The following SGSH variants were observed in gnomAD, a reference collection of about 807,000 sequenced individuals.
The protein encoded by SGSH is heparan sulfate sulfatase.
A neutral mutation model predicts 51.0 loss-of-function variants in SGSH; 48 were observed. The observed-to-expected ratio is 0.94, with a 90% CI of 0.75 to 1.20. The LOEUF (loss-of-function observed/expected upper bound fraction) is 1.20, where lower values mean the gene tolerates loss of function less well. Ranked by LOEUF, SGSH falls within the 50% of genes most tolerant of loss-of-function variation. The pLI, the probability that SGSH is intolerant of heterozygous loss-of-function variation, is 0.00. For synonymous variants in SGSH, 321 were observed against 313.4 expected (o/e 1.02, Z -0.26); for missense variants, 662 against 717.8 (o/e 0.92, Z 0.89).
chr17:80,205,731 G>C, downstream of SGSH: 1 of 1,426,884 alleles, frequency 7.0e-7, no homozygotes, highest in Non-Finnish European at 9.3e-7. Context: ...ATGAGATAAA[G>C]GTACAGGGAC....
chr17:80,205,823 T>C, downstream of SGSH: 3 of 590,942 alleles, frequency 5.1e-6, no homozygotes, highest in Non-Finnish European at 8.5e-6. Flanking sequence ...CTCAGCCAGT[T>C]AGGATCCACG....
At chr17:80,206,978 T>C (rs2041354820), downstream of SGSH, 1 of 1,611,016 alleles carries the variant, frequency 6.2e-7, no homozygotes, top group Non-Finnish European at 8.5e-7. Context: ...AGAACACCCA[T>C]GCCCTCCTGG....
downstream of SGSH, chr17:80,201,872 T>C (rs763220303): frequency 5.6e-6 from 9 of 1,609,626 alleles, no homozygotes; most frequent in African/African-American, 9.4e-5. The surrounding 1 kb of genome is among the most constrained non-coding windows in gnomAD (Gnocchi z 5.0). Context: ...ACACGGACGG[T>C]ACACATACCA....
At chr17:80,218,634 G>A (rs912767512) in intron 1 of SGSH, among the ~76,000 whole-genome samples, 3 of 152,230 alleles carry the variant, frequency 2.0e-5, no homozygotes, top group African/African-American at 4.8e-5. Flanking sequence ...GAGGGAGAGC[G>A]GGATGGGCTG....
rs2041746975 is a variant in SGSH at position 80,213,238 on chromosome 17, AG to A, written c.745+565del. On this transcript the variant is annotated intron_variant, in intron 6 of 7. Transcript: ENST00000326317. The surrounding 1 kb of genome is among the most constrained non-coding windows in gnomAD (Gnocchi z 4.6). The stretch of plus-strand genomic sequence containing the variant: ...AAGTGGAGACACAAAGAGGAGACAC[AG>A]GAAAAAAGGCCATGTGAAGGCTTCA... The A allele has an allele frequency of 1.3e-5, 2 of 152,328 alleles. No individual in the cohort carries two copies. Among genetic ancestry groups the A allele is most frequent in the African/African-American group, 4.8e-5 (2 of 41,426 alleles). 9.4% of individuals were successfully genotyped at this position (152,328 alleles called of 1,614,324 possible).
Position 80,213,683 on chromosome 17 carries a change from G to T in SGSH, c.745+121C>A. The stretch of plus-strand genomic sequence containing the variant: ...CTCAATGTGGGCTCTGCCAGCTGCA[G>T]CACAGGGCCTGCCACACTGGGACCC... On this transcript the variant is annotated intron_variant, in intron 6 of 7. Transcript: ENST00000326317. The surrounding 1 kb of genome is among the most constrained non-coding windows in gnomAD (Gnocchi z 4.6). The T allele has an allele frequency of 1.1e-6, 1 of 905,898 alleles. No individual in the cohort carries two copies. Among genetic ancestry groups the T allele is most frequent in the Non-Finnish European group, 1.7e-6 (1 of 579,466 alleles). 56.1% of individuals were successfully genotyped at this position (905,898 alleles called of 1,614,324 possible). A position where few individuals can be genotyped will look rare whatever the true frequency, so the allele number is the denominator to read the frequency against.
Position 80,210,749 on chromosome 17 carries a change from G to A in SGSH, c.1212C>T (p.Val404=), listed in dbSNP as rs558089661. The A allele has an allele frequency of 1.9e-6, 3 of 1,614,094 alleles. No individual in the cohort carries two copies. The highest frequency in any genetic ancestry group is 2.2e-5 in the South Asian group (2 of 91,084). Residue 404 remains valine (V), a synonymous_variant, in exon 8 of 8, where the codon GTC becomes GTT. Transcript: ENST00000326317. ...TCAGGAGGTCCTGGAAGGTGGGTGA[G>A]ACGTAGAAGTCCTGGTCGATGGGAA... The part of the protein sequence containing the change: ...MPFPIDQDFY[V]SPTFQDLLNR...
rs568131817 is a variant in SGSH at position 80,211,637 on chromosome 17, G to A, written c.949+434C>T. 10 of 323,754 alleles carry A rather than the reference G, an allele frequency of 3.1e-5. No homozygotes were observed. In the East Asian group the frequency reaches 5.9e-4, roughly 19 times the overall value. The allele number at this position is 323,754 out of a possible 1,614,324, so 20.1% of individuals were successfully genotyped here. On this transcript the variant is annotated intron_variant, in intron 7 of 7. Coordinates refer to ENST00000326317, the MANE Select transcript of SGSH (RefSeq NM_000199.5). Reference sequence around the variant, plus strand: ...CCCAGGAAGGCAGGATGGGGTGCACGGATGCTCAGAGAGGGGTCCCCAGGC... The same window carrying A: ...CCCAGGAAGGCAGGATGGGGTGCACAGATGCTCAGAGAGGGGTCCCCAGGC...
downstream of SGSH, chr17:80,202,105 C>G: frequency 7.2e-7 from 1 of 1,390,690 alleles, no homozygotes; most frequent in Non-Finnish European, 1.0e-6. Context: ...TTCTCTCCTA[C>G]TTTAATTTTC....
chr17:80,205,510 C>G, downstream of SGSH: 1 of 1,577,950 alleles, frequency 6.3e-7, no homozygotes. Context: ...CTATGATGGC[C>G]CCGTCCAATG....
At chr17:80,215,271 C>T (rs2041848312) in intron 2 of SGSH, 133 bp from the exon 3 acceptor site, 3 of 705,410 alleles carry the variant, frequency 4.3e-6, no homozygotes, top group African/African-American at 3.5e-5. Flanking sequence ...TGGCCAGCAC[C>T]CAGAGACACT....
rs563935652 is a variant in SGSH, at chr17:80,216,622, C to T, written c.249+410G>A. 7 of 241,100 alleles carry T rather than the reference C, an allele frequency of 2.9e-5. No homozygotes were observed. In the East Asian group the frequency reaches 5.4e-4, roughly 18 times the overall value. 14.9% of individuals were successfully genotyped at this position (241,100 alleles called of 1,614,324 possible). ...GGAGCATGTGTGCCTTAACGGTGTC[C>T]GCTCCCTGCACCATGGCGTTCCTGG... On this transcript the variant is annotated intron_variant, in intron 2 of 7. Coordinates refer to ENST00000326317, the MANE Select transcript of SGSH (RefSeq NM_000199.5).
At chr17:80,215,389 G>A (rs1395899884) in intron 2 of SGSH, among the ~76,000 whole-genome samples, 2 of 152,244 alleles carry the variant, frequency 1.3e-5, no homozygotes, top group Non-Finnish European at 2.9e-5. Flanking sequence ...CACGAGGGTG[G>A]CCTTGATGTT....
downstream of SGSH, chr17:80,206,761 C>G (rs965307210): frequency 9.0e-6 from 3 of 333,224 alleles, no homozygotes; most frequent in Non-Finnish European, 1.6e-5. Context: ...AGCGAGACTC[C>G]GTCTCAAAAA....
downstream of SGSH, chr17:80,205,467 C>T: frequency 1.3e-6 from 2 of 1,551,178 alleles, no homozygotes; most frequent in Non-Finnish European, 1.7e-6. Flanking sequence ...GGGTGTTTAC[C>T]ATGGGACTCC....
At position 80,213,586 on chromosome 17, in the gene SGSH, C is replaced by T; in HGVS notation, c.745+218G>A. On this transcript the variant is annotated intron_variant, in intron 6 of 7. Coordinates refer to ENST00000326317, the MANE Select transcript of SGSH (RefSeq NM_000199.5). This position sits in a 1 kb window ranked among gnomAD's most constrained non-coding sequence, Gnocchi z 4.6. ...CGCAACCTCTGGGGCACCCGAAGGC[C>T]CCAGCCCAGGAGCAGGTCCACATCA... The T allele has an allele frequency of 1.7e-6, 1 of 593,248 alleles. No individual in the cohort carries two copies. The highest frequency in any genetic ancestry group is 3.0e-6 in the Non-Finnish European group (1 of 332,132). 36.7% of individuals were successfully genotyped at this position (593,248 alleles called of 1,614,324 possible).
intron 3 of SGSH, 23 bp downstream of exon 3, chr17:80,215,010 T>A (rs754157187): frequency 6.3e-7 from 1 of 1,589,766 alleles, no homozygotes; most frequent in Non-Finnish European, 8.6e-7. Context: ...CCCCACGCCC[T>A]GTCCTCGGCA....
chr17:80,202,392 G>A (rs537086902), downstream of SGSH: 128 of 1,612,996 alleles, frequency 7.9e-5, no homozygotes, highest in South Asian at 3.0e-4. Flanking sequence ...GGATACTGCC[G>A]CGCACGGCAC....
rs2041551435 is a variant in SGSH at position 80,209,685 on chromosome 17, G to C, written c.*767C>G. ...GCCAGAGGACGGGCATCACCACCCA[G>C]CAATGCCAGTGTCACCGAAGAATTA... On this transcript the variant is annotated 3_prime_UTR_variant, in exon 8 of 8. Transcript: ENST00000326317. 1.0e-5 allele frequency: 10 copies of C among 984,568 alleles called. No homozygotes were observed. The highest frequency in any genetic ancestry group is 1.8e-5 in the African/African-American group (1 of 56,894). 61.0% of individuals were successfully genotyped at this position (984,568 alleles called of 1,614,324 possible).
Sources: gnomAD v4.1 joint callset for allele counts (sites outside exome capture counted in the v4.1 genomes callset) on GRCh38, gnomAD v4.1.1 for gene constraint, Gnocchi (gnomAD v3.1) non-coding constraint, MANE v1.5 for transcripts, NCBI Gene and HGNC (gene_info 2026-07-23, HGNC 2026-07-21) for gene names.